The following SH2D4A variants were observed in gnomAD, a reference collection of about 807,000 sequenced individuals.
The protein encoded by SH2D4A is SH2 domain-containing protein 4A.
SH2D4A carries 70 observed loss-of-function variants against 64.7 expected under a neutral mutation model. The ratio of observed to expected loss-of-function variants is 1.08; its 90% CI spans 0.89 to 1.32. The LOEUF (loss-of-function observed/expected upper bound fraction) is 1.32. Among genes scored for constraint, SH2D4A ranks in the 40% most tolerant of loss-of-function variants. The probability of loss-of-function intolerance (pLI) is 0.00; values close to 1 mark genes in which losing one functional copy is unlikely to be tolerated. For missense variants in SH2D4A, 706 were observed against 540.1 expected (o/e 1.31, Z -3.04); for synonymous variants, 268 against 200.7 (o/e 1.34, Z -2.83).
intron 9 of SH2D4A, 36 bp from the exon 10 acceptor site, chr8:19,394,514 C>G: frequency 6.8e-7 from 1 of 1,474,020 alleles, no homozygotes. Context: ...GTGGTCACTA[C>G]TTACACTATC....
chr8:19,350,849 C>T (rs888864687), intron 4 of SH2D4A, among the ~76,000 whole-genome samples: 7 of 152,062 alleles, frequency 4.6e-5, no homozygotes, highest in Non-Finnish European at 1.0e-4. Flanking sequence ...ACTTTCAAGT[C>T]GGGGTATTCA....
At chr8:19,328,372 T>A (rs1000232268) in intron 2 of SH2D4A, among the ~76,000 whole-genome samples, 1 of 152,146 alleles carries the variant, frequency 6.6e-6, no homozygotes. Context: ...TTTTTTTTTT[T>A]ACTCCTTAAG....
chr8:19,337,559 T>C (rs1259916676), intron 4 of SH2D4A, among the ~76,000 whole-genome samples: 4 of 152,218 alleles, frequency 2.6e-5, no homozygotes, highest in Non-Finnish European at 5.9e-5. Context: ...GAGAGTGTAC[T>C]AGTCTGTTTT....
intron 7 of SH2D4A, among the ~76,000 whole-genome samples, chr8:19,364,946 C>G (rs2052966937): frequency 6.6e-6 from 1 of 152,148 alleles, no homozygotes; most frequent in Admixed American, 6.5e-5. Context: ...TGCTATTAAA[C>G]CCCCATCCCT....
chr8:19,328,660 C>T (rs917206133), intron 2 of SH2D4A, among the ~76,000 whole-genome samples: 11 of 152,200 alleles, frequency 7.2e-5, no homozygotes, highest in South Asian at 2.1e-4. Flanking sequence ...TACTGACATG[C>T]GGAGCAGAGC....
intron 8 of SH2D4A, among the ~76,000 whole-genome samples, chr8:19,389,139 G>C (rs1164809615): frequency 2.0e-5 from 3 of 152,194 alleles, no homozygotes; most frequent in Non-Finnish European, 4.4e-5. Flanking sequence ...AGAGTGAGTA[G>C]GAGTTTTCCA....
intron 8 of SH2D4A, among the ~76,000 whole-genome samples, chr8:19,381,291 C>A (rs1371055574): frequency 6.6e-6 from 1 of 152,176 alleles, no homozygotes; most frequent in African/African-American, 2.4e-5. Flanking sequence ...CTCAAGTGAT[C>A]CACCTGCTTC....
chr8:19,336,886 A>T (rs1025762236), intron 4 of SH2D4A, among the ~76,000 whole-genome samples: 1 of 152,078 alleles, frequency 6.6e-6, no homozygotes, highest in South Asian at 2.1e-4. Context: ...AGTATTAAGT[A>T]TGTATGCTTA....
intron 1 of SH2D4A, among the ~76,000 whole-genome samples, chr8:19,316,578 C>G (rs1303674253): frequency 6.6e-6 from 1 of 152,182 alleles, no homozygotes; most frequent in Non-Finnish European, 1.5e-5. Flanking sequence ...ACCTGGCCTC[C>G]CCTAAGCTTA....
At chr8:19,341,040 T>A (rs1457435357) in intron 4 of SH2D4A, among the ~76,000 whole-genome samples, 1 of 152,196 alleles carries the variant, frequency 6.6e-6, no homozygotes, top group Non-Finnish European at 1.5e-5. Context: ...AGAGATTAAG[T>A]GATTAACCCC....
intron 2 of SH2D4A, among the ~76,000 whole-genome samples, chr8:19,332,427 A>G (rs1030377771): frequency 2.8e-4 from 43 of 152,134 alleles, no homozygotes; most frequent in African/African-American, 1.0e-3. Flanking sequence ...CGAGGTCAGG[A>G]GTTCAAGACC....
rs200555733 is a variant in SH2D4A, at chr8:19,393,346, A to T, written c.1077A>T (p.Glu359Asp). The change falls in exon 9 of 10, where the codon GAA becomes GAT. Residue 359 changes from glutamate (E) to aspartate (D), a missense_variant. Physicochemically the swap from Glu to Asp is conservative, Grantham distance 45 (BLOSUM62 2). Transcript: ENST00000265807. ...HGILTLKKAN[E>D]LLLSTGMPGS... is the part of the protein sequence containing the mutation. ...TTCTCACACTCAAGAAAGCAAATGA[A>T]CTTCTTCTGAGCACAGGCATGCCCG... 60 of 1,614,074 alleles carry T rather than the reference A, an allele frequency of 3.7e-5. No homozygotes were observed. The African/African-American group carries it at 7.9e-4, about 21-fold the overall frequency.
chr8:19,372,933 A>G (rs2053128510), intron 7 of SH2D4A, among the ~76,000 whole-genome samples: 1 of 152,046 alleles, frequency 6.6e-6, no homozygotes, highest in African/African-American at 2.4e-5. Flanking sequence ...AGAAGAGAAA[A>G]TCAAATAATG....
intron 8 of SH2D4A, among the ~76,000 whole-genome samples, chr8:19,392,035 G>A (rs903139289): frequency 5.3e-5 from 8 of 151,918 alleles, no homozygotes; most frequent in Admixed American, 1.3e-4. Context: ...TCCAAGATGC[G>A]TTTCTACTCT....
chr8:19,381,551 T>C (rs368316416), intron 8 of SH2D4A, among the ~76,000 whole-genome samples: 1 of 152,124 alleles, frequency 6.6e-6, no homozygotes, highest in African/African-American at 2.4e-5. Context: ...GTTTTAACAG[T>C]TTTTTGTGGA....
In SH2D4A at chr8:19,392,744, G is replaced by T. The variant is rs1486301688; in HGVS notation, c.1049-574G>T. Among the ~76,000 whole-genome samples the T allele has an allele frequency of 6.8e-3, 1,004 of 148,704 alleles. 10 individuals are homozygous for T. The highest frequency in any genetic ancestry group is 0.023 in the African/African-American group (934 of 40,410). ...GTAGAAATATATTCCTTTTTTTTTT[G>T]TTTTGTTTTTTGAGATGGAGTCTTG... On this transcript the variant is annotated intron_variant, in intron 8 of 9. Coordinates refer to ENST00000265807, the MANE Select transcript of SH2D4A (RefSeq NM_022071.4).
chr8:19,378,669 C>T (rs2053236563), intron 8 of SH2D4A, among the ~76,000 whole-genome samples: 1 of 152,098 alleles, frequency 6.6e-6, no homozygotes, highest in South Asian at 2.1e-4. Context: ...CCCCTGACCT[C>T]AGGTGATCCA....
At position 19,321,783 on chromosome 8, in the gene SH2D4A, C is replaced by A. The variant is rs183224230; in HGVS notation, c.181+2055C>A. The stretch of plus-strand genomic sequence containing the variant: ...AACATATATTAGTGTGATGGGGTGA[C>A]CTTGGGGACTAGCAGCCAAAGGGTT... On this transcript the variant is annotated intron_variant, in intron 2 of 9. Coordinates refer to ENST00000265807, the MANE Select transcript of SH2D4A (RefSeq NM_022071.4). 9.9e-4 allele frequency among the ~76,000 whole-genome samples: 150 copies of A among 152,226 alleles called. 1 individual carries two copies. Among genetic ancestry groups the A allele is most frequent in the South Asian group, 6.2e-3 (30 of 4,818 alleles).
At chr8:19,328,174 C>T (rs1174145754) in intron 2 of SH2D4A, among the ~76,000 whole-genome samples, 1 of 152,178 alleles carries the variant, frequency 6.6e-6, no homozygotes, top group African/African-American at 2.4e-5. Context: ...TGGCTTCATT[C>T]TCTCTATGAG....
Sources: gnomAD v4.1 joint callset for allele counts (sites outside exome capture counted in the v4.1 genomes callset) on GRCh38, gnomAD v4.1.1 for gene constraint, MANE v1.5 for transcripts, NCBI Gene and HGNC (gene_info 2026-07-23, HGNC 2026-07-21) for gene names.